Variants in NRG3 observed in about 807,000 individuals in gnomAD.
The protein encoded by NRG3 is pro-neuregulin-3, membrane-bound isoform.
NRG3 carries 31 observed loss-of-function variants against 66.9 expected under a neutral mutation model. The observed-to-expected ratio is 0.46, with a 90% confidence interval of 0.35 to 0.63. The LOEUF is 0.63. NRG3 is among the 20% of genes least tolerant of loss of function. The pLI is 0.00. For synonymous variants in NRG3, 393 were observed against 359.4 expected (o/e 1.09, Z -1.06); for missense variants, 910 against 878.9 (o/e 1.04, Z -0.45).
At chr10:82,135,006 G>T (rs1272644027) in intron 1 of NRG3, among the ~76,000 whole-genome samples, 1 of 150,880 alleles carries the variant, frequency 6.6e-6, no homozygotes, top group Non-Finnish European at 1.5e-5. Context: ...CATGCCTGTA[G>T]TCCCAGCTAC....
chr10:82,298,660 G>T (rs2080217644), intron 1 of NRG3, among the ~76,000 whole-genome samples: 1 of 151,988 alleles, frequency 6.6e-6, no homozygotes, highest in Non-Finnish European at 1.5e-5. Flanking sequence ...CTTACCTCTT[G>T]CTAGTATCTG....
In NRG3 at chr10:82,371,187, G is replaced by A. The variant is rs184687031; in HGVS notation, c.953+12319G>A. ...AGTGAAGCTCATATTTGGGATTATA[G>A]GGAAACGCATTCTAGGCTGGTAAAC... On this transcript the variant is annotated intron_variant, in intron 2 of 8. Coordinates refer to ENST00000372141, the MANE Select transcript of NRG3 (RefSeq NM_001010848.4). 1.2e-4 allele frequency among the ~76,000 whole-genome samples: 19 copies of A among 152,180 alleles called. No homozygotes were observed. In the East Asian group the frequency reaches 2.7e-3, roughly 22 times the overall value.
chr10:81,965,347 G>A (rs1043604540), intron 1 of NRG3, among the ~76,000 whole-genome samples: 1 of 152,142 alleles, frequency 6.6e-6, no homozygotes, highest in Non-Finnish European at 1.5e-5. Context: ...TATCAGATGT[G>A]TAATATAGAT....
At chr10:82,248,229 T>C (rs145786825) in intron 1 of NRG3, among the ~76,000 whole-genome samples, 236 of 152,290 alleles carry the variant, frequency 1.5e-3, no homozygotes, top group African/African-American at 5.4e-3. Context: ...ACCATTTAAC[T>C]CTCTGGAATA....
chr10:82,699,901 G>A (rs2055726267), intron 2 of NRG3, among the ~76,000 whole-genome samples: 1 of 151,870 alleles, frequency 6.6e-6, no homozygotes, highest in African/African-American at 2.4e-5. Flanking sequence ...CACACAGCAT[G>A]ATTTCTAACA....
At chr10:82,949,579 G>A (rs2132341106) in intron 4 of NRG3, among the ~76,000 whole-genome samples, 1 of 152,266 alleles carries the variant, frequency 6.6e-6, no homozygotes, top group South Asian at 2.1e-4. Flanking sequence ...TCCTGGCTGG[G>A]TGTGGTGGCT....
chr10:82,716,683 A>C (rs562151167), intron 2 of NRG3, among the ~76,000 whole-genome samples: 2 of 152,338 alleles, frequency 1.3e-5, no homozygotes, highest in East Asian at 1.9e-4. Context: ...GAAAGGTGTT[A>C]GGAAGAAATC....
At chr10:82,214,726 T>C (rs1163904001) in intron 1 of NRG3, among the ~76,000 whole-genome samples, 4 of 152,238 alleles carry the variant, frequency 2.6e-5, no homozygotes, top group East Asian at 1.9e-4. Flanking sequence ...CACCTCAGCC[T>C]CCCAAAGCAC....
At chr10:82,408,464 T>G (rs1311834423) in intron 2 of NRG3, among the ~76,000 whole-genome samples, 1 of 152,070 alleles carries the variant, frequency 6.6e-6, no homozygotes, top group East Asian at 1.9e-4. Context: ...AACTAGCTCA[T>G]GAAATAGATC....
intron 2 of NRG3, among the ~76,000 whole-genome samples, chr10:82,410,579 G>T (rs1355440284): frequency 6.6e-6 from 1 of 151,518 alleles, no homozygotes; most frequent in East Asian, 1.9e-4. Flanking sequence ...CTGATAATAG[G>T]TATGGGATTT....
chr10:82,721,342 G>A (rs921536285), intron 2 of NRG3, among the ~76,000 whole-genome samples: 2 of 151,372 alleles, frequency 1.3e-5, no homozygotes, highest in Non-Finnish European at 2.9e-5. Context: ...GTTTCACTAT[G>A]GTAGCCAGGA....
At chr10:82,242,548 A>G (rs776431374) in intron 1 of NRG3, among the ~76,000 whole-genome samples, 1 of 152,180 alleles carries the variant, frequency 6.6e-6, no homozygotes, top group African/African-American at 2.4e-5. Flanking sequence ...AAAGTCATTT[A>G]TAGGTACAAC....
chr10:82,434,895 C>T (rs1385276978), intron 2 of NRG3, among the ~76,000 whole-genome samples: 1 of 152,116 alleles, frequency 6.6e-6, no homozygotes, highest in African/African-American at 2.4e-5. Context: ...GGATATTGGC[C>T]TGAAGTTTTC....
intron 1 of NRG3, among the ~76,000 whole-genome samples, chr10:82,258,943 T>C (rs1034091039): frequency 6.6e-6 from 1 of 152,184 alleles, no homozygotes; most frequent in Admixed American, 6.5e-5. Context: ...CAAAAGCAGC[T>C]GTGGATTGAA....
At chr10:82,685,619 G>C (rs2250828) in intron 2 of NRG3, among the ~76,000 whole-genome samples, 139,313 of 152,074 alleles carry the variant, frequency 0.92, 63,872 homozygotes, top group East Asian at 1. Context: ...TGTAAATTAA[G>C]ATAGCTTGCT....
At chr10:82,295,511 C>T (rs1225445432) in intron 1 of NRG3, among the ~76,000 whole-genome samples, 1 of 152,106 alleles carries the variant, frequency 6.6e-6, no homozygotes, top group East Asian at 1.9e-4. Context: ...TAAACACATT[C>T]ACTATTAGAA....
At chr10:82,412,225 A>G (rs1168371692) in intron 2 of NRG3, among the ~76,000 whole-genome samples, 1 of 152,200 alleles carries the variant, frequency 6.6e-6, no homozygotes, top group Non-Finnish European at 1.5e-5. Flanking sequence ...AGTTGAAAGA[A>G]TTATAATGAT....
chr10:82,845,476 C>T (rs200312356), intron 3 of NRG3, among the ~76,000 whole-genome samples: 8 of 151,490 alleles, frequency 5.3e-5, no homozygotes, highest in East Asian at 1.9e-4. Flanking sequence ...GGAAGGAAAA[C>T]GCCAATGTGT....
chr10:82,434,373 AC>A (rs1206888328), intron 2 of NRG3, among the ~76,000 whole-genome samples: 1 of 152,154 alleles, frequency 6.6e-6, no homozygotes, highest in African/African-American at 2.4e-5. Context: ...TTTCCTAAAT[AC>A]AAAATCATGT....
Sources: allele counts gnomAD v4.1 joint callset (sites outside exome capture counted in the v4.1 genomes callset), GRCh38; gene constraint gnomAD v4.1.1; transcripts MANE v1.5; gene names NCBI Gene and HGNC (gene_info 2026-07-23, HGNC 2026-07-21).